DNM2: variants seen among roughly 807,000 people sequenced by gnomAD.
The protein encoded by DNM2 is dynamin 2.
DNM2 carries 15 observed loss-of-function variants against 99.0 expected under a neutral mutation model. The observed-to-expected ratio is 0.15, with a 90% CI of 0.10 to 0.23. The LOEUF (loss-of-function observed/expected upper bound fraction) is 0.23, where lower values mean the gene tolerates loss of function less well. DNM2 is among the 10% of genes least tolerant of loss of function. The probability of loss-of-function intolerance (pLI) is 1.00; values close to 1 mark genes in which losing one functional copy is unlikely to be tolerated. For missense variants in DNM2, 742 were observed against 1,189.4 expected (o/e 0.62, Z 5.53); for synonymous variants, 525 against 481.2 (o/e 1.09, Z -1.19).
intron 2 of DNM2, among the ~76,000 whole-genome samples, chr19:10,762,609 C>T (rs2070670622): frequency 2.0e-5 from 3 of 152,212 alleles, no homozygotes; most frequent in African/African-American, 7.2e-5. Flanking sequence ...GCACAGAGCG[C>T]AGGCCTACCC....
intron 1 of DNM2, among the ~76,000 whole-genome samples, chr19:10,731,084 A>G (rs551616757): frequency 2.2e-3 from 336 of 152,246 alleles, no homozygotes; most frequent in African/African-American, 7.8e-3. Context: ...GGGCCAGTCA[A>G]GCGGGCAGGA....
At position 10,830,639 on chromosome 19, in the gene DNM2, G is replaced by A. The variant is rs2073311455; in HGVS notation, c.2543+261G>A. On this transcript the variant is annotated intron_variant, in intron 20 of 20. Coordinates refer to ENST00000389253, the MANE Select transcript of DNM2 (RefSeq NM_001005361.3). The surrounding 1 kb of genome is among the most constrained non-coding windows in gnomAD (Gnocchi z 4.8). Reference sequence around the variant, plus strand: ...TGGGGTGTGCCACCAGGCAGCTGGGGAACCCTCACACTGGGCACCTCCTCC... The same window carrying A: ...TGGGGTGTGCCACCAGGCAGCTGGGAAACCCTCACACTGGGCACCTCCTCC... The A allele has an allele frequency of 1.7e-6, 1 of 592,776 alleles. No homozygotes were observed. The highest frequency in any genetic ancestry group is 3.0e-6 in the Non-Finnish European group (1 of 337,514). 36.7% of individuals were successfully genotyped at this position (592,776 alleles called of 1,614,324 possible). A position where few individuals can be genotyped will look rare whatever the true frequency, so the allele number is the denominator to read the frequency against.
chr19:10,821,459 G>C (rs1488169436), intron 16 of DNM2, among the ~76,000 whole-genome samples: 3 of 152,194 alleles, frequency 2.0e-5, no homozygotes, highest in African/African-American at 4.8e-5. Context: ...TCAGGGTCCA[G>C]GCCCTGCATG....
At chr19:10,793,256 T>C (rs1431662857) in intron 7 of DNM2, among the ~76,000 whole-genome samples, 2 of 152,168 alleles carry the variant, frequency 1.3e-5, no homozygotes, top group Non-Finnish European at 2.9e-5. Flanking sequence ...AATCGGAGGC[T>C]CAGAGGGGCA....
At chr19:10,827,452 C>G (rs2073178660) in intron 18 of DNM2, among the ~76,000 whole-genome samples, 2 of 151,950 alleles carry the variant, frequency 1.3e-5, no homozygotes, top group South Asian at 4.2e-4. Context: ...ATCTGTCGGC[C>G]CAGCTACTCG....
intron 6 of DNM2, among the ~76,000 whole-genome samples, chr19:10,783,491 G>T (rs988508669): frequency 3.3e-5 from 5 of 151,982 alleles, no homozygotes; most frequent in African/African-American, 1.2e-4. Context: ...CTAAATAAAA[G>T]AAATGTACTT....
intron 7 of DNM2, among the ~76,000 whole-genome samples, chr19:10,787,630 C>CT (rs2071607270): frequency 6.6e-6 from 1 of 151,594 alleles, no homozygotes; most frequent in Non-Finnish European, 1.5e-5. Context: ...TGGTGGGCAC[C>CT]TGTAGTCCCA....
At chr19:10,759,999 C>T (rs2070563128) in intron 2 of DNM2, among the ~76,000 whole-genome samples, 188 bp downstream of exon 2, 1 of 152,086 alleles carries the variant, frequency 6.6e-6, no homozygotes, top group Non-Finnish European at 1.5e-5. Context: ...TGCAAGCCCT[C>T]AGCTGTGACC....
rs547171305 is a variant in DNM2 at position 10,819,838 on chromosome 19, C to T, written c.1672-142C>T. The T allele has an allele frequency of 1.8e-4, 135 of 771,218 alleles. 2 individuals carry two copies. In the East Asian group the frequency reaches 3.2e-3, roughly 18 times the overall value. 47.8% of individuals were successfully genotyped at this position (771,218 alleles called of 1,614,324 possible). ...GACAGAGTGACGGACGGGGAAGGGC[C>T]GGCAGATGGGCTCATATACAGCAGC... On this transcript the variant is annotated intron_variant, in intron 15 of 20. Transcript: ENST00000389253.
At chr19:10,727,828 C>G (rs976062371) in intron 1 of DNM2, among the ~76,000 whole-genome samples, 54 of 152,066 alleles carry the variant, frequency 3.6e-4, no homozygotes, top group African/African-American at 1.2e-3. Flanking sequence ...ATTATAGGCC[C>G]CTCGGCTGCT....
At chr19:10,824,466 A>G (rs2073079603) in intron 17 of DNM2, 1 of 196,572 alleles carries the variant, frequency 5.1e-6, no homozygotes, top group East Asian at 1.3e-4. Flanking sequence ...ACGCCATTGC[A>G]CTCCAGCCTG....
At chr19:10,758,030 C>T (rs1240278510) in intron 1 of DNM2, among the ~76,000 whole-genome samples, 2 of 151,710 alleles carry the variant, frequency 1.3e-5, no homozygotes, top group Admixed American at 6.6e-5. Context: ...AATTTCCTTT[C>T]GAGCCTTTAA....
At chr19:10,731,030 A>G (rs2069294586) in intron 1 of DNM2, among the ~76,000 whole-genome samples, 2 of 152,076 alleles carry the variant, frequency 1.3e-5, no homozygotes, top group African/African-American at 4.8e-5. Context: ...GCCCTGTGAC[A>G]CACTTTCGCG....
chr19:10,757,960 A>AG (rs1555702442), intron 1 of DNM2, among the ~76,000 whole-genome samples: 19 of 150,544 alleles, frequency 1.3e-4, no homozygotes, highest in African/African-American at 3.5e-4. Flanking sequence ...AAAAAAAAAA[A>AG]AAAAAGAAAA....
chr19:10,831,096 A>C lies in DNM2; in HGVS notation c.*49A>C. 6.4e-7 allele frequency: 1 copy of C among 1,551,566 alleles called. No individual in the cohort carries two copies. On this transcript the variant is annotated 3_prime_UTR_variant, in exon 21 of 21. Transcript: ENST00000389253. The surrounding 1 kb of genome is among the most constrained non-coding windows in gnomAD (Gnocchi z 4.3). The stretch of plus-strand genomic sequence containing the variant: ...GGGGGGCCTCACGCACCCGCGGCGC[A>C]GGAGCTTCAGTGGTCTGGGGCCCTC...
intron 1 of DNM2, among the ~76,000 whole-genome samples, chr19:10,752,356 C>T (rs973348112): frequency 6.6e-6 from 1 of 152,218 alleles, no homozygotes; most frequent in African/African-American, 2.4e-5. Flanking sequence ...TGCCTGTGCC[C>T]ACAGCTCTGT....
At chr19:10,798,942 C>G (rs527420703) in intron 11 of DNM2, among the ~76,000 whole-genome samples, 4 of 152,340 alleles carry the variant, frequency 2.6e-5, no homozygotes, top group East Asian at 3.9e-4. Flanking sequence ...ACCCACAGGC[C>G]AGGCTGGGTG....
At position 10,740,084 on chromosome 19, in the gene DNM2, T is replaced by A. The variant is rs2069687970; in HGVS notation, c.162-19654T>A. ...GTTAGAATAGTATTCCCTTATCATC[T>A]TTTTTATTTCTGAAAGGTTGGTAGT... On this transcript the variant is annotated intron_variant, in intron 1 of 20. Coordinates refer to ENST00000389253, the MANE Select transcript of DNM2 (RefSeq NM_001005361.3). Among the ~76,000 whole-genome samples, 4 of 152,204 alleles carry A rather than the reference T, an allele frequency of 2.6e-5. No homozygotes were observed. The South Asian group carries it at 8.3e-4, about 32-fold the overall frequency.
rs936914048 is a variant in DNM2, at chr19:10,753,239, C to T, written c.162-6499C>T. 5.3e-5 allele frequency among the ~76,000 whole-genome samples: 8 copies of T among 152,302 alleles called. No homozygotes were observed. The East Asian group carries it at 7.7e-4, about 15-fold the overall frequency. On this transcript the variant is annotated intron_variant, in intron 1 of 20. Transcript: ENST00000389253. The stretch of plus-strand genomic sequence containing the variant: ...CTCTAATGTTTTGAACTCAGTAATG[C>T]GTGTGTATGATGCGGAATTCAAAGA...
Sources: allele counts gnomAD v4.1 joint callset (sites outside exome capture counted in the v4.1 genomes callset), GRCh38; gene constraint gnomAD v4.1.1; non-coding constraint Gnocchi (gnomAD v3.1); transcripts MANE v1.5; gene names NCBI Gene and HGNC (gene_info 2026-07-23, HGNC 2026-07-21).